PARK7: variants seen among roughly 807,000 people sequenced by gnomAD.
PARK7 encodes the protein Parkinsonism associated deglycase, also known as Parkinson disease protein 7.
In PARK7, 14 loss-of-function variants were observed where a neutral mutation model predicts 20.5. That is an observed-to-expected ratio of 0.68 (90% CI 0.45 to 1.07). The LOEUF (loss-of-function observed/expected upper bound fraction) is 1.07, where lower values mean the gene tolerates loss of function less well. Among genes scored for constraint, PARK7 ranks in the 50% least tolerant of loss-of-function variants. The pLI is 0.00. For missense variants in PARK7, 234 were observed against 238.1 expected (o/e 0.98, Z 0.11); for synonymous variants, 98 against 84.3 (o/e 1.16, Z -0.89).
intron 1 of PARK7, 71 bp from the exon 2 acceptor site, chr1:7,962,692 C>T (rs1640233406): frequency 2.0e-6 from 2 of 990,814 alleles, no homozygotes; most frequent in East Asian, 5.2e-5. Flanking sequence ...TGCTCCTAAA[C>T]TTTAAATTTT....
chr1:7,977,254 A>G (rs963190186), intron 5 of PARK7, among the ~76,000 whole-genome samples: 1 of 152,150 alleles, frequency 6.6e-6, no homozygotes, highest in South Asian at 2.1e-4. Flanking sequence ...TTATCTGTGT[A>G]TGCTCTGCTG....
intron 5 of PARK7, among the ~76,000 whole-genome samples, chr1:7,972,211 C>G (rs1640479762): frequency 6.6e-6 from 1 of 152,146 alleles, no homozygotes. Flanking sequence ...CCTGTAATCT[C>G]AGCATTTTGG....
chr1:7,965,592 A>G (rs1315072934), intron 3 of PARK7, among the ~76,000 whole-genome samples, 167 bp downstream of exon 3: 1 of 152,184 alleles, frequency 6.6e-6, no homozygotes, highest in Non-Finnish European at 1.5e-5. Context: ...CTGTATCTGT[A>G]GAATGTGGCA....
In PARK7 at chr1:7,984,995, G is replaced by T. The variant is rs777026628; in HGVS notation, c.511G>T (p.Ala171Ser). The part of the protein sequence containing the change: ...SFEFALAIVE[A>S]LNGKEVAAQV... Reference sequence around the variant, plus strand: ...CGAGTTTGCGCTTGCAATTGTTGAAGCCCTGAATGGCAAGGAGGTGGCGGC... The same window carrying T: ...CGAGTTTGCGCTTGCAATTGTTGAATCCCTGAATGGCAAGGAGGTGGCGGC... Residue 171 changes from alanine (A) to serine (S), a missense_variant, in exon 7 of 7, where the codon GCC (alanine) becomes TCC (serine). Coordinates refer to ENST00000338639, the MANE Select transcript of PARK7 (RefSeq NM_007262.5). This position sits in a 1 kb window ranked among gnomAD's most constrained non-coding sequence, Gnocchi z 4.3. 2 of 1,614,206 alleles carry T rather than the reference G, an allele frequency of 1.2e-6. No homozygotes were observed. Among genetic ancestry groups the T allele is most frequent in the Admixed American group, 1.7e-5 (1 of 60,016 alleles).
At chr1:7,966,726 A>G (rs1166908073) in intron 3 of PARK7, among the ~76,000 whole-genome samples, 4 of 152,106 alleles carry the variant, frequency 2.6e-5, no homozygotes, top group African/African-American at 9.7e-5. Context: ...AAAAATAATA[A>G]TAATACTTTT....
chr1:7,969,305 T>G, intron 3 of PARK7, 40 bp from the exon 4 acceptor site: 1 of 1,518,976 alleles, frequency 6.6e-7, no homozygotes, highest in Non-Finnish European at 9.1e-7. Context: ...ACAGTTGAAA[T>G]GAAATGTTTT....
Position 7,965,442 on chromosome 1 carries a change from T to A in PARK7, c.192+17T>A. 1 of 1,601,862 alleles carries A rather than the reference T, an allele frequency of 6.2e-7. No homozygotes were observed. Among genetic ancestry groups the A allele is most frequent in the Non-Finnish European group, 8.6e-7 (1 of 1,168,826 alleles). On this transcript the variant is annotated intron_variant, in intron 3 of 6. Transcript: ENST00000338639. ...AAAAAAGAGGTTTGTAATCCATACATGGAGTTATTCCTTCATATGGCTTCT... is the reference window on the plus strand; with the variant it reads ...AAAAAAGAGGTTTGTAATCCATACAAGGAGTTATTCCTTCATATGGCTTCT...
chr1:7,967,294 A>G (rs898995152), intron 3 of PARK7, among the ~76,000 whole-genome samples: 15 of 152,140 alleles, frequency 9.9e-5, no homozygotes, highest in Non-Finnish European at 2.2e-4. Flanking sequence ...TATAAATGCC[A>G]CATTTTCTTT....
intron 6 of PARK7, among the ~76,000 whole-genome samples, chr1:7,978,254 T>C (rs1640629246): frequency 2.0e-5 from 3 of 151,794 alleles, no homozygotes; most frequent in Middle Eastern, 3.4e-3. Flanking sequence ...CCTCAGCCTC[T>C]GAAAGTGCTG....
At chr1:7,978,963 C>G in intron 6 of PARK7, among the ~76,000 whole-genome samples, 1 of 151,598 alleles carries the variant, frequency 6.6e-6, no homozygotes, top group African/African-American at 2.4e-5. Context: ...CTGCAGCTTG[C>G]TTTTTTTAAC....
chr1:7,962,418 C>G, intron 1 of PARK7, among the ~76,000 whole-genome samples: 1 of 152,054 alleles, frequency 6.6e-6, no homozygotes, highest in East Asian at 1.9e-4. Flanking sequence ...ACTGTTTCCC[C>G]GCATTGTGTG....
rs866853182 is a variant in PARK7 at position 7,972,478 on chromosome 1, G to A, written c.322+1515G>A. ...ATGTCTTTCAAACAAAATGTTATTCGCCTTTTTTCTTCTCAGTCTTTCAGG... is the reference window on the plus strand; with the variant it reads ...ATGTCTTTCAAACAAAATGTTATTCACCTTTTTTCTTCTCAGTCTTTCAGG... On this transcript the variant is annotated intron_variant, in intron 5 of 6. Coordinates refer to ENST00000338639, the MANE Select transcript of PARK7 (RefSeq NM_007262.5). 4.6e-5 allele frequency among the ~76,000 whole-genome samples: 7 copies of A among 152,008 alleles called. No individual in the cohort carries two copies. The South Asian group carries it at 8.3e-4, about 18-fold the overall frequency.
chr1:7,972,797 G>A (rs560068486), intron 5 of PARK7, among the ~76,000 whole-genome samples: 6 of 151,814 alleles, frequency 4.0e-5, no homozygotes, highest in South Asian at 4.2e-4. Flanking sequence ...CCAGCTACTC[G>A]GGAGGCTGAG....
At chr1:7,974,647 T>A (rs920944530) in intron 5 of PARK7, among the ~76,000 whole-genome samples, 1 of 150,960 alleles carries the variant, frequency 6.6e-6, no homozygotes, top group African/African-American at 2.4e-5. Context: ...AAAAATTATA[T>A]AAAAAACAGT....
At chr1:7,981,079 T>G (rs1640700013) in intron 6 of PARK7, among the ~76,000 whole-genome samples, 1 of 152,144 alleles carries the variant, frequency 6.6e-6, no homozygotes, top group Non-Finnish European at 1.5e-5. Context: ...CCGTTTCTCA[T>G]TTGTCCACTG....
At chr1:7,973,034 A>G (rs1640497688) in intron 5 of PARK7, among the ~76,000 whole-genome samples, 2 of 152,092 alleles carry the variant, frequency 1.3e-5, no homozygotes, top group African/African-American at 4.8e-5. Context: ...TGGGTGACAC[A>G]GCAAGACTGT....
chr1:7,972,345 G>A (rs1640483983), intron 5 of PARK7, among the ~76,000 whole-genome samples: 1 of 152,178 alleles, frequency 6.6e-6, no homozygotes, highest in Admixed American at 6.5e-5. Context: ...CTGCATGCAT[G>A]TAGTCCCAGC....
chr1:7,970,866 T>G lies in PARK7; in HGVS notation c.253-28T>G, dbSNP rs1338024871. On this transcript the variant is annotated intron_variant, in intron 4 of 6. Coordinates refer to ENST00000338639, the MANE Select transcript of PARK7 (RefSeq NM_007262.5). ...TTGGTTAGTGGCTTAATGATAACTT[T>G]ATGTATTTTTGGTTTTCTTTTCACT... 4.3e-6 allele frequency: 7 copies of G among 1,612,576 alleles called. No homozygotes were observed. In the East Asian group the frequency reaches 8.9e-5, roughly 21 times the overall value.
chr1:7,964,936 GGCA>G, intron 2 of PARK7, among the ~76,000 whole-genome samples: 1 of 152,262 alleles, frequency 6.6e-6, no homozygotes, highest in Middle Eastern at 3.4e-3. Flanking sequence ...CAGAGTACAG[GGCA>G]GCAGCTATAA....
Sources: allele counts gnomAD v4.1 joint callset (sites outside exome capture counted in the v4.1 genomes callset), GRCh38; gene constraint gnomAD v4.1.1; non-coding constraint Gnocchi (gnomAD v3.1); transcripts MANE v1.5; gene names NCBI Gene and HGNC (gene_info 2026-07-23, HGNC 2026-07-21).